ITPR2: variants seen among roughly 807,000 people sequenced by gnomAD.
ITPR2 encodes the protein inositol 1,4,5-trisphosphate-gated calcium channel ITPR2.
ITPR2 carries 207 observed loss-of-function variants against 317.1 expected under a neutral mutation model. The ratio of observed to expected loss-of-function variants is 0.65; its 90% confidence interval spans 0.58 to 0.73. ITPR2 has a LOEUF of 0.73. Among genes scored for constraint, ITPR2 ranks in the 30% least tolerant of loss-of-function variants. ITPR2 has a pLI of 0.00. For missense variants in ITPR2, 2,613 were observed against 3,284.0 expected (o/e 0.80, Z 4.99); for synonymous variants, 1,156 against 1,149.1 (o/e 1.01, Z -0.12).
chr12:26,804,776 C>A (rs1366026674), intron 1 of ITPR2, among the ~76,000 whole-genome samples: 1 of 152,002 alleles, frequency 6.6e-6, no homozygotes, highest in African/African-American at 2.4e-5. Flanking sequence ...CTCTCTGTCA[C>A]CCAGGCTGGA....
chr12:26,719,488 G>T (rs1297023802), intron 5 of ITPR2, among the ~76,000 whole-genome samples: 1 of 152,078 alleles, frequency 6.6e-6, no homozygotes, highest in Admixed American at 6.6e-5. Context: ...AATAAAGAGG[G>T]ATATAACATC....
intron 2 of ITPR2, 39 bp from the exon 3 acceptor site, chr12:26,725,804 C>G (rs778775805): frequency 1.5e-6 from 2 of 1,309,108 alleles, no homozygotes; most frequent in East Asian, 4.6e-5. Context: ...GTAACTAAGG[C>G]TACTAGCATT....
intron 13 of ITPR2, among the ~76,000 whole-genome samples, chr12:26,672,256 AG>A (rs1947794567): frequency 6.6e-6 from 1 of 151,130 alleles, no homozygotes; most frequent in South Asian, 2.1e-4. Flanking sequence ...CATTGTTTTC[AG>A]CACCACACCA....
At chr12:26,392,276 G>A (rs544361188) in intron 54 of ITPR2, among the ~76,000 whole-genome samples, 99 of 152,208 alleles carry the variant, frequency 6.5e-4, no homozygotes, top group African/African-American at 2.3e-3. Flanking sequence ...TGTTGACCAG[G>A]GAACTTGAAG....
At chr12:26,472,917 T>C (rs1024417750) in intron 45 of ITPR2, among the ~76,000 whole-genome samples, 1 of 152,160 alleles carries the variant, frequency 6.6e-6, no homozygotes, top group Admixed American at 6.5e-5. Context: ...GACAGAGTCT[T>C]GCTCTATCGC....
intron 51 of ITPR2, among the ~76,000 whole-genome samples, chr12:26,412,682 AACC>A (rs1191881634): frequency 2.0e-5 from 3 of 152,152 alleles, no homozygotes; most frequent in Non-Finnish European, 4.4e-5. Context: ...GGGGGAAAAA[AACC>A]CAGAAAGCTT....
At chr12:26,448,126 T>C (rs1390904764) in intron 45 of ITPR2, among the ~76,000 whole-genome samples, 1 of 151,992 alleles carries the variant, frequency 6.6e-6, no homozygotes, top group African/African-American at 2.4e-5. Context: ...TGGTGAGTTG[T>C]AACAATAAGA....
intron 54 of ITPR2, among the ~76,000 whole-genome samples, chr12:26,392,629 A>G (rs1939883694): frequency 6.6e-6 from 1 of 152,222 alleles, no homozygotes; most frequent in Non-Finnish European, 1.5e-5. Context: ...AAATAAATGA[A>G]TAAGAGAGAC....
At chr12:26,675,031 A>C (rs1460345712) in intron 13 of ITPR2, among the ~76,000 whole-genome samples, 1 of 152,216 alleles carries the variant, frequency 6.6e-6, no homozygotes, top group Non-Finnish European at 1.5e-5. Flanking sequence ...GGCAATCATT[A>C]AAAAGTCAAG....
At chr12:26,418,876 A>G (rs1159113512) in intron 50 of ITPR2, among the ~76,000 whole-genome samples, 173 bp downstream of exon 50, 1 of 152,192 alleles carries the variant, frequency 6.6e-6, no homozygotes, top group Admixed American at 6.6e-5. Context: ...TTCCCAAAGA[A>G]AAAAGATTAC....
chr12:26,657,607 A>G (rs2136906799), intron 18 of ITPR2, 100 bp downstream of exon 18: 9 of 901,368 alleles, frequency 1.0e-5, no homozygotes, highest in African/African-American at 3.3e-5. Context: ...GACTTTTAAA[A>G]TTGCCTCTTC....
chr12:26,617,205 A>C (rs986785957), intron 26 of ITPR2, among the ~76,000 whole-genome samples: 1 of 152,238 alleles, frequency 6.6e-6, no homozygotes, highest in Admixed American at 6.5e-5. Flanking sequence ...ATAGAGCTAG[A>C]GAAAAGAAGA....
At chr12:26,787,457 C>T (rs988254659) in intron 2 of ITPR2, among the ~76,000 whole-genome samples, 2 of 152,128 alleles carry the variant, frequency 1.3e-5, no homozygotes, top group Non-Finnish European at 2.9e-5. Flanking sequence ...TAATATGAGA[C>T]CAAGTATCAG....
In ITPR2 at chr12:26,389,694, C is replaced by G. The variant is rs114960968; in HGVS notation, c.7697-2100G>C. On this transcript the variant is annotated intron_variant, in intron 54 of 56. Transcript: ENST00000381340. ...CCCTTCTGCTGACCTTCTTGATCAC[C>G]TTTTCCCTTTTCCTCTCTTTTTCTT... Among the ~76,000 whole-genome samples the G allele has an allele frequency of 8.4e-3, 1,282 of 152,302 alleles. 15 individuals carry two copies. The highest frequency in any genetic ancestry group is 0.028 in the African/African-American group (1,174 of 41,566).
At chr12:26,595,680 A>C in intron 31 of ITPR2, 90 bp from the exon 32 acceptor site, 1 of 1,051,334 alleles carries the variant, frequency 9.5e-7, no homozygotes, top group Non-Finnish European at 1.3e-6. Context: ...AAAATCTGTT[A>C]GTTTTTATGG....
chr12:26,624,545 CA>C (rs1194075869), intron 23 of ITPR2, among the ~76,000 whole-genome samples, 189 bp from the exon 24 acceptor site: 6 of 152,062 alleles, frequency 3.9e-5, no homozygotes, highest in Admixed American at 6.6e-5. Context: ...TAAAAGAAAA[CA>C]TACAAATGGC....
chr12:26,711,813 T>C (rs920005146), intron 8 of ITPR2, among the ~76,000 whole-genome samples: 1 of 152,304 alleles, frequency 6.6e-6, no homozygotes, highest in Middle Eastern at 3.4e-3. Flanking sequence ...CACTTTGAGA[T>C]GTCATGTGAG....
chr12:26,480,995 A>C, intron 43 of ITPR2, 136 bp downstream of exon 43: 1 of 462,516 alleles, frequency 2.2e-6, no homozygotes, highest in Non-Finnish European at 3.8e-6. Flanking sequence ...GGAGTTTAGT[A>C]AGCATTGTAC....
chr12:26,522,974 C>T (rs1427575825), intron 37 of ITPR2, among the ~76,000 whole-genome samples: 1 of 152,212 alleles, frequency 6.6e-6, no homozygotes, highest in Non-Finnish European at 1.5e-5. Context: ...ATTTCGATGC[C>T]TTGGGTTTCA....
Sources: allele counts gnomAD v4.1 joint callset (sites outside exome capture counted in the v4.1 genomes callset), GRCh38; gene constraint gnomAD v4.1.1; transcripts MANE v1.5; gene names NCBI Gene and HGNC (gene_info 2026-07-23, HGNC 2026-07-21).